GRIN2A: variants seen among roughly 807,000 people sequenced by gnomAD.
The protein encoded by GRIN2A is glutamate ionotropic receptor NMDA type subunit 2A, also known as glutamate receptor ionotropic, NMDA 2A.
In GRIN2A, 22 loss-of-function variants were observed where a neutral mutation model predicts 113.4. The ratio of observed to expected loss-of-function variants is 0.19; its 90% CI spans 0.14 to 0.28. The LOEUF is 0.28. Ranked by LOEUF, GRIN2A falls within the 10% of genes least tolerant of loss-of-function variation. GRIN2A has a pLI of 1.00. For synonymous variants in GRIN2A, 827 were observed against 738.4 expected (o/e 1.12, Z -1.94); for missense variants, 1,502 against 1,887.0 (o/e 0.80, Z 3.78).
chr16:9,994,248 G>C (rs2046180514), intron 2 of GRIN2A, among the ~76,000 whole-genome samples: 1 of 152,184 alleles, frequency 6.6e-6, no homozygotes, highest in Admixed American at 6.5e-5. Flanking sequence ...AGAATGCAAA[G>C]CCCATTTGTC....
chr16:10,019,473 C>T (rs2046675513), intron 2 of GRIN2A, among the ~76,000 whole-genome samples: 1 of 152,162 alleles, frequency 6.6e-6, no homozygotes, highest in Non-Finnish European at 1.5e-5. Flanking sequence ...AAGAGGGAAG[C>T]TAAAATTGTA....
chr16:9,994,199 T>C (rs1270446364), intron 2 of GRIN2A, among the ~76,000 whole-genome samples: 2 of 152,222 alleles, frequency 1.3e-5, no homozygotes, highest in Non-Finnish European at 2.9e-5. Context: ...ATTTTTCCAA[T>C]TTCCAACGCG....
At chr16:10,118,075 A>C (rs771181473) in intron 2 of GRIN2A, among the ~76,000 whole-genome samples, 2 of 152,166 alleles carry the variant, frequency 1.3e-5, no homozygotes, top group Non-Finnish European at 2.9e-5. Context: ...GAGGTGGCCA[A>C]GTTGAAGGAT....
In GRIN2A at chr16:9,763,908, C is replaced by T. The variant is rs765614514; in HGVS notation, c.3636G>A (p.Thr1212=). 38 of 1,613,998 alleles carry T rather than the reference C, an allele frequency of 2.4e-5. No individual in the cohort carries two copies. Among genetic ancestry groups the T allele is most frequent in the East Asian group, 1.6e-4 (7 of 44,868 alleles). The change falls in exon 13 of 13, where the codon ACG becomes ACA. Residue 1212 remains threonine, a synonymous_variant. Transcript: ENST00000330684. The stretch of plus-strand genomic sequence containing the variant: ...TGTTGGAAAGGCAGCTTCTGCAGTG[C>T]GTGGAGTTCTGCCGGTATCGCTCGC... ...ETSERYRQNS[T]HCRSCLSNMP... is the part of the protein sequence containing the mutation.
intron 2 of GRIN2A, among the ~76,000 whole-genome samples, chr16:10,070,809 C>T (rs1427544264): frequency 6.6e-6 from 1 of 152,232 alleles, no homozygotes; most frequent in Non-Finnish European, 1.5e-5. Flanking sequence ...CGCAGACCAT[C>T]TGGACCGCTT....
rs1900294760 is a variant in GRIN2A at position 9,754,914 on chromosome 16, C to G, written c.*8235G>C. ...AGATCAATGGGAAGCATTTAAAATG[C>G]CAAAGACAAACTCATGTTTGCTGGA... On this transcript the variant is annotated 3_prime_UTR_variant, in exon 13 of 13. Coordinates refer to ENST00000330684, the MANE Select transcript of GRIN2A (RefSeq NM_001134407.3). The G allele has an allele frequency of 4.5e-6, 1 of 221,310 alleles. No individual in the cohort carries two copies. Among genetic ancestry groups the G allele is most frequent in the Non-Finnish European group, 9.0e-6 (1 of 110,644 alleles). 13.7% of individuals were successfully genotyped at this position (221,310 alleles called of 1,614,324 possible). A position where few individuals can be genotyped will look rare whatever the true frequency, so the allele number is the denominator to read the frequency against.
chr16:9,934,564 CCA>C (rs200012757), intron 3 of GRIN2A, among the ~76,000 whole-genome samples: 1,877 of 150,064 alleles, frequency 0.013, 41 homozygotes, highest in African/African-American at 0.044. Flanking sequence ...ACCTGTAGTC[CCA>C]GTTACTTAGG....
chr16:10,134,154 C>A (rs1206051851), intron 2 of GRIN2A, among the ~76,000 whole-genome samples: 1 of 147,950 alleles, frequency 6.8e-6, no homozygotes, highest in Non-Finnish European at 1.5e-5. Context: ...GATCACATCA[C>A]CACACTCCAG....
intron 3 of GRIN2A, among the ~76,000 whole-genome samples, chr16:9,924,139 AC>A (rs369545200): frequency 0.012 from 1,755 of 150,518 alleles, 48 homozygotes; most frequent in African/African-American, 0.041. Flanking sequence ...AAAAAAAAAA[AC>A]AAAAACCTCA....
chr16:10,024,730 C>T (rs1272617601), intron 2 of GRIN2A, among the ~76,000 whole-genome samples: 6 of 152,142 alleles, frequency 3.9e-5, no homozygotes, highest in Admixed American at 6.5e-5. Context: ...AGAAAGCCCA[C>T]GTTCAGCCAT....
At chr16:9,970,670 A>G in intron 2 of GRIN2A, 1 of 442,868 alleles carries the variant, frequency 2.3e-6, no homozygotes, top group Non-Finnish European at 3.0e-6. Flanking sequence ...AATATGTATT[A>G]AGGATCTCTG....
intron 2 of GRIN2A, among the ~76,000 whole-genome samples, chr16:10,068,434 G>A (rs1477159517): frequency 6.6e-6 from 1 of 152,200 alleles, no homozygotes; most frequent in Non-Finnish European, 1.5e-5. Context: ...GGGGGAGCAG[G>A]CACATCACAT....
At chr16:9,810,191 G>T (rs1396401706) in intron 10 of GRIN2A, among the ~76,000 whole-genome samples, 2 of 152,162 alleles carry the variant, frequency 1.3e-5, no homozygotes, top group Non-Finnish European at 2.9e-5. Flanking sequence ...GAGTTCACAC[G>T]CAAGAATCCA....
chr16:10,048,448 G>A (rs1436264708), intron 2 of GRIN2A, among the ~76,000 whole-genome samples: 2 of 152,184 alleles, frequency 1.3e-5, no homozygotes, highest in Non-Finnish European at 2.9e-5. Context: ...ACAGCAAAAA[G>A]AAAACTTCTA....
At chr16:10,133,694 T>C (rs2049121778) in intron 2 of GRIN2A, among the ~76,000 whole-genome samples, 1 of 152,164 alleles carries the variant, frequency 6.6e-6, no homozygotes, top group African/African-American at 2.4e-5. Context: ...GTCAAGTACT[T>C]ATAAGAATCT....
At chr16:10,093,405 G>A (rs193284375) in intron 2 of GRIN2A, among the ~76,000 whole-genome samples, 2 of 152,264 alleles carry the variant, frequency 1.3e-5, no homozygotes, top group East Asian at 3.9e-4. Flanking sequence ...TAGACCACTA[G>A]GTTCAGCCCT....
chr16:10,052,807 G>A (rs923673679), intron 2 of GRIN2A, among the ~76,000 whole-genome samples: 1 of 152,114 alleles, frequency 6.6e-6, no homozygotes, highest in African/African-American at 2.4e-5. Context: ...CAGCACTTTG[G>A]AAGGCCAAGG....
intron 2 of GRIN2A, among the ~76,000 whole-genome samples, chr16:10,044,467 T>C (rs1242656973): frequency 1.3e-5 from 2 of 151,876 alleles, no homozygotes; most frequent in Non-Finnish European, 2.9e-5. Context: ...CTTTGCTGAG[T>C]CCTTATGAAG....
intron 2 of GRIN2A, among the ~76,000 whole-genome samples, chr16:10,092,496 A>C (rs545178474): frequency 2.6e-5 from 4 of 152,342 alleles, no homozygotes; most frequent in African/African-American, 9.6e-5. Flanking sequence ...TCTTCTCAAG[A>C]ATAGAAGGAA....
Sources: allele counts gnomAD v4.1 joint callset (sites outside exome capture counted in the v4.1 genomes callset), GRCh38; gene constraint gnomAD v4.1.1; transcripts MANE v1.5; gene names NCBI Gene and HGNC (gene_info 2026-07-23, HGNC 2026-07-21).